The following DIP2A variants were observed in gnomAD, a reference collection of about 807,000 sequenced individuals.
DIP2A encodes the protein disco-interacting protein 2 homolog A.
In DIP2A, 85 loss-of-function variants were observed where a neutral mutation model predicts 177.4. That is an observed-to-expected ratio of 0.48 (90% CI 0.40 to 0.57). The LOEUF is 0.57. DIP2A is among the 20% of genes least tolerant of loss of function. The pLI, the probability that DIP2A is intolerant of heterozygous loss-of-function variation, is 0.00. For missense variants in DIP2A, 1,791 were observed against 2,100.2 expected (o/e 0.85, Z 2.88); for synonymous variants, 886 against 881.8 (o/e 1.00, Z -0.08).
chr21:46,520,784 A>G (rs1367327387), intron 8 of DIP2A, among the ~76,000 whole-genome samples: 1 of 152,262 alleles, frequency 6.6e-6, no homozygotes, highest in East Asian at 1.9e-4. Flanking sequence ...ACACAAACCA[A>G]TAACATATTT....
chr21:46,481,319 A>G (rs2056329099), intron 1 of DIP2A, among the ~76,000 whole-genome samples: 1 of 152,194 alleles, frequency 6.6e-6, no homozygotes. Flanking sequence ...TTTATTGCTG[A>G]GTAGTTTTCC....
intron 15 of DIP2A, among the ~76,000 whole-genome samples, chr21:46,538,168 A>T (rs971853526): frequency 2.6e-5 from 4 of 152,126 alleles, no homozygotes; most frequent in African/African-American, 9.7e-5. Context: ...GGGTTTGGGG[A>T]AGGACAACAT....
At chr21:46,507,756 A>G (rs1426780098) in intron 6 of DIP2A, among the ~76,000 whole-genome samples, 1 of 122,104 alleles carries the variant, frequency 8.2e-6, no homozygotes, top group Admixed American at 1.1e-4. Context: ...GATGGAGTGC[A>G]GTGGCTTGAT....
intron 16 of DIP2A, 51 bp downstream of exon 16, chr21:46,538,653 C>T (rs2059673827): frequency 1.3e-6 from 2 of 1,536,178 alleles, no homozygotes; most frequent in Admixed American, 3.9e-5. Flanking sequence ...TCCCCTCCTG[C>T]AAACCAAAGT....
At chr21:46,530,782 C>T (rs1306383757) in intron 9 of DIP2A, among the ~76,000 whole-genome samples, 4 of 151,930 alleles carry the variant, frequency 2.6e-5, no homozygotes, top group African/African-American at 7.3e-5. Flanking sequence ...TTGCATAATA[C>T]GAGGGGTACA....
intron 5 of DIP2A, among the ~76,000 whole-genome samples, chr21:46,499,258 C>T (rs1568977956): frequency 6.6e-6 from 1 of 152,152 alleles, no homozygotes; most frequent in Non-Finnish European, 1.5e-5. Context: ...TGGGGCATTT[C>T]TCATAGTCCC....
chr21:46,563,773 G>T lies in DIP2A; in HGVS notation c.4090-85G>T. Reference sequence around the variant, plus strand: ...ACATCAGTCCTGCAGGCCAGCTTCTGAGGGACGTTATTTTAATGTCACTGA... The same window carrying T: ...ACATCAGTCCTGCAGGCCAGCTTCTTAGGGACGTTATTTTAATGTCACTGA... On this transcript the variant is annotated intron_variant, in intron 34 of 37. Transcript: ENST00000417564. The surrounding 1 kb of genome is among the most constrained non-coding windows in gnomAD (Gnocchi z 4.3). 6.5e-7 allele frequency: 1 copy of T among 1,548,056 alleles called. No homozygotes were observed.
Position 46,550,558 on chromosome 21 carries a change from C to T in DIP2A, c.2653C>T (p.His885Tyr), listed in dbSNP as rs753273878. 4 of 1,613,244 alleles carry T rather than the reference C, an allele frequency of 2.5e-6. No homozygotes were observed. The highest frequency in any genetic ancestry group is 2.2e-5 in the South Asian group (2 of 90,844). Residue 885 changes from histidine to tyrosine, a missense_variant, in exon 23 of 38, where the codon CAC becomes TAC. By Grantham distance (83) the His-to-Tyr change is moderately conservative. Coordinates refer to ENST00000417564, the MANE Select transcript of DIP2A (RefSeq NM_015151.4). The part of the protein sequence containing the change: ...SRVLQAIDSI[H>Y]QVGVYCLALV... ...TCCCTTTCAGGCCATTGATAGCATCCACCAGGTGGGCGTGTACTGTCTGGC... is the reference window on the plus strand; with the variant it reads ...TCCCTTTCAGGCCATTGATAGCATCTACCAGGTGGGCGTGTACTGTCTGGC...
chr21:46,483,988 A>G (rs980926805), intron 1 of DIP2A, among the ~76,000 whole-genome samples: 1 of 152,154 alleles, frequency 6.6e-6, no homozygotes, highest in Non-Finnish European at 1.5e-5. Flanking sequence ...TGCATTTCCT[A>G]CCTCATTCCT....
At chr21:46,479,484 A>T (rs1007042888) in intron 1 of DIP2A, among the ~76,000 whole-genome samples, 6 of 152,220 alleles carry the variant, frequency 3.9e-5, no homozygotes, top group Non-Finnish European at 5.9e-5. Flanking sequence ...GGACATTCAA[A>T]CACTGCTGTG....
rs758476363 is a variant in DIP2A at position 46,558,390 on chromosome 21, C to T, written c.3966C>T (p.Leu1322=). 6.6e-6 allele frequency: 10 copies of T among 1,521,824 alleles called. No individual in the cohort carries two copies. The highest frequency in any genetic ancestry group is 8.7e-6 in the Non-Finnish European group (10 of 1,144,820). 94.3% of individuals were successfully genotyped at this position (1,521,824 alleles called of 1,614,324 possible). The change falls in exon 32 of 38, where the codon CTC becomes CTT. Residue 1322 remains leucine, a synonymous_variant. Coordinates refer to ENST00000417564, the MANE Select transcript of DIP2A (RefSeq NM_015151.4). The stretch of plus-strand genomic sequence containing the variant: ...GCAGGGTCAACGTGGCCATCTGCCT[C>T]CAGGTGAGGTGCCTGGGGCTGCGGT... ...FGCRVNVAIC[L]QGTAGPDPTT... is the part of the protein sequence containing the mutation.
At chr21:46,538,735 T>G in intron 16 of DIP2A, 133 bp downstream of exon 16, 3 of 1,308,552 alleles carry the variant, frequency 2.3e-6, no homozygotes, top group Non-Finnish European at 2.1e-6. Context: ...TCCCATCGTT[T>G]CTATGACACG....
chr21:46,506,724 T>TTTCTTTCTTTCTTTCTTTC (rs149327676), intron 6 of DIP2A, among the ~76,000 whole-genome samples: 68 of 78,936 alleles, frequency 8.6e-4, no homozygotes, highest in East Asian at 2.2e-3. Context: ...TTGTGCTTGT[T>TTTCTTTCTTTCTTTCTTTC]TTTCTTTCTT....
chr21:46,492,956 A>G (rs1168387113), intron 3 of DIP2A, among the ~76,000 whole-genome samples: 1 of 149,532 alleles, frequency 6.7e-6, no homozygotes, highest in Non-Finnish European at 1.5e-5. Flanking sequence ...GAAAAAAAAA[A>G]GAGGCACTAG....
chr21:46,495,216 TCTC>T (rs2057251167), intron 3 of DIP2A, among the ~76,000 whole-genome samples: 1 of 95,220 alleles, frequency 1.1e-5, no homozygotes, highest in Non-Finnish European at 2.0e-5. Context: ...TCTCTTCTCT[TCTC>T]TTCTCTTCTC....
At chr21:46,490,762 G>A in intron 3 of DIP2A, 43 bp downstream of exon 3, 2 of 1,522,660 alleles carry the variant, frequency 1.3e-6, no homozygotes, top group East Asian at 2.5e-5. Context: ...GACGGGCCTG[G>A]AGCCCTTGGA....
chr21:46,557,554 G>A lies in DIP2A; in HGVS notation c.3630-31G>A. ...GAGTGCCCAGGGTGCTGGGTGGGCG[G>A]GCGGAGCCTCACGAGCCTTCCCTCT... On this transcript the variant is annotated intron_variant, in intron 30 of 37. Coordinates refer to ENST00000417564, the MANE Select transcript of DIP2A (RefSeq NM_015151.4). This position sits in a 1 kb window ranked among gnomAD's most constrained non-coding sequence, Gnocchi z 6.0. The A allele has an allele frequency of 1.9e-6, 3 of 1,588,854 alleles. No homozygotes were observed. Among genetic ancestry groups the A allele is most frequent in the Non-Finnish European group, 2.6e-6 (3 of 1,162,984 alleles).
chr21:46,458,943 G>A lies in DIP2A; in HGVS notation c.-189G>A, dbSNP rs1367801722. ...CGCGCGGGGCAGCGGCGGCGCGGCG[G>A]AGCCATCCGCGCTCGTGCCCGCGCG... is the stretch of plus-strand genomic sequence containing the variant. On this transcript the variant is annotated 5_prime_UTR_variant, in exon 1 of 38. Transcript: ENST00000417564. 5 of 348,694 alleles carry A rather than the reference G, an allele frequency of 1.4e-5. No homozygotes were observed. The highest frequency in any genetic ancestry group is 2.2e-5 in the African/African-American group (1 of 46,426). 21.6% of individuals were successfully genotyped at this position (348,694 alleles called of 1,614,324 possible).
rs770213132 is a variant in DIP2A, at chr21:46,558,253, A to G, written c.3829A>G (p.Thr1277Ala). 3 of 1,612,784 alleles carry G rather than the reference A, an allele frequency of 1.9e-6. No homozygotes were observed. The Admixed American group carries it at 5.0e-5, about 27-fold the overall frequency. ...GGGGGTGAACCTGTCATGTGTGCGCACGTGCATGGTGGTCGCCGAGGAGCG... is the reference window on the plus strand; with the variant it reads ...GGGGGTGAACCTGTCATGTGTGCGCGCGTGCATGGTGGTCGCCGAGGAGCG... The part of the protein sequence containing the change: ...MKGVNLSCVR[T>A]CMVVAEERPR... The change falls in exon 32 of 38, where the codon ACG (threonine) becomes GCG (alanine). Residue 1277 changes from threonine (T) to alanine (A), a missense_variant. Transcript: ENST00000417564.
Sources: allele counts gnomAD v4.1 joint callset (sites outside exome capture counted in the v4.1 genomes callset), GRCh38; gene constraint gnomAD v4.1.1; non-coding constraint Gnocchi (gnomAD v3.1); transcripts MANE v1.5; gene names NCBI Gene and HGNC (gene_info 2026-07-23, HGNC 2026-07-21).